The following ARPC2 variants were observed in gnomAD, a reference collection of about 807,000 sequenced individuals.
ARPC2 encodes the protein actin-related protein 2/3 complex subunit 2.
A neutral mutation model predicts 38.6 loss-of-function variants in ARPC2; 4 were observed. That is an observed-to-expected ratio of 0.10 (90% CI 0.05 to 0.24). The LOEUF (loss-of-function observed/expected upper bound fraction) is 0.24. Among genes scored for constraint, ARPC2 ranks in the 10% least tolerant of loss-of-function variants. ARPC2 has a pLI of 1.00. For missense variants in ARPC2, 229 were observed against 387.3 expected (o/e 0.59, Z 3.43); for synonymous variants, 125 against 140.8 (o/e 0.89, Z 0.79).
At chr2:218,233,334 C>CA (rs1164685446) in intron 4 of ARPC2, 1 of 151,226 alleles carries the variant, frequency 6.6e-6, no homozygotes, top group Admixed American at 6.6e-5. Context: ...GCCTGGACAA[C>CA]AGAGTAAGAC....
chr2:218,230,276 C>CTTTTTTTTTTTTTTTT (rs1404910498), intron 4 of ARPC2, among the ~76,000 whole-genome samples: 1 of 112,446 alleles, frequency 8.9e-6, no homozygotes, highest in African/African-American at 3.3e-5. Context: ...CCAGCCTTTT[C>CTTTTTTTTTTTTTTTT]TTTTTTTTTT....
intron 3 of ARPC2, among the ~76,000 whole-genome samples, chr2:218,226,437 G>A (rs1424184490): frequency 6.6e-6 from 1 of 151,544 alleles, no homozygotes; most frequent in Admixed American, 6.6e-5. Context: ...AGACTATCCT[G>A]GCTAACATGA....
chr2:218,245,812 C>T (rs1426148015), intron 8 of ARPC2, among the ~76,000 whole-genome samples: 1 of 152,086 alleles, frequency 6.6e-6, no homozygotes, highest in Non-Finnish European at 1.5e-5. Context: ...ATTCTGATAT[C>T]AAGAGTTAAG....
chr2:218,218,084 G>A (rs1335403695), intron 2 of ARPC2, among the ~76,000 whole-genome samples: 8 of 152,140 alleles, frequency 5.3e-5, no homozygotes, highest in Admixed American at 4.6e-4. Context: ...TCTTAGAGCC[G>A]GAAAAACGCG....
intron 4 of ARPC2, among the ~76,000 whole-genome samples, chr2:218,230,414 C>G (rs768400853): frequency 1.1e-4 from 17 of 150,574 alleles, no homozygotes; most frequent in Non-Finnish European, 2.2e-4. Flanking sequence ...ACCTCAGCCT[C>G]CTGAGTGTCT....
chr2:218,237,626 G>A lies in ARPC2; in HGVS notation c.269-1038G>A, dbSNP rs141939124. 2.5e-3 allele frequency among the ~76,000 whole-genome samples: 382 copies of A among 150,690 alleles called. 1 individual carries two copies. The highest frequency in any genetic ancestry group is 8.0e-3 in the African/African-American group (325 of 40,810). On this transcript the variant is annotated intron_variant, in intron 5 of 10. Coordinates refer to ENST00000315717, the MANE Select transcript of ARPC2 (RefSeq NM_152862.3). ...TGGAGTCTCGCTCTGTTGTGCAGTG[G>A]TGCAATATCAGCTCGCTGTAACCTC...
At chr2:218,239,328 C>G in intron 6 of ARPC2, 63 bp from the exon 7 acceptor site, 2 of 1,177,542 alleles carry the variant, frequency 1.7e-6, no homozygotes, top group Non-Finnish European at 2.5e-6. Context: ...ACTTGTAGAT[C>G]AAGTTATTGA....
chr2:218,246,621 A>G (rs1690038907), intron 8 of ARPC2, among the ~76,000 whole-genome samples: 1 of 152,092 alleles, frequency 6.6e-6, no homozygotes, highest in African/African-American at 2.4e-5. Context: ...TTGGTGGGTC[A>G]CTTGGGTCCA....
chr2:218,238,918 AATATGGCTTG>A (rs1257383325), intron 6 of ARPC2, 68 bp downstream of exon 6: 1 of 1,276,884 alleles, frequency 7.8e-7, no homozygotes, highest in African/African-American at 1.5e-5. Context: ...TACTGAAAGA[AATATGGCTTG>A]GTCAAACTTT....
At position 218,248,265 on chromosome 2, in the gene ARPC2, T is replaced by C. The variant is rs1239182327; in HGVS notation, c.677-1099T>C. On this transcript the variant is annotated intron_variant, in intron 8 of 10. Transcript: ENST00000315717. ...CTTCTGTTGTGGTGTTCATTTACTTTCAGGCCAGGGCACATTGACACAGAA... is the reference window on the plus strand; with the variant it reads ...CTTCTGTTGTGGTGTTCATTTACTTCCAGGCCAGGGCACATTGACACAGAA... Among the ~76,000 whole-genome samples, 3 of 152,364 alleles carry C rather than the reference T, an allele frequency of 2.0e-5. No homozygotes were observed. The East Asian group carries it at 5.8e-4, about 29-fold the overall frequency.
intron 10 of ARPC2, among the ~76,000 whole-genome samples, chr2:218,253,495 C>G (rs1690243589): frequency 6.6e-6 from 1 of 152,146 alleles, no homozygotes; most frequent in Non-Finnish European, 1.5e-5. Flanking sequence ...ATCTGGGAGC[C>G]CTGAGAGGTA....
At chr2:218,232,450 G>T (rs936486114) in intron 4 of ARPC2, among the ~76,000 whole-genome samples, 1 of 151,862 alleles carries the variant, frequency 6.6e-6, no homozygotes, top group Non-Finnish European at 1.5e-5. Flanking sequence ...GGACTGGGAA[G>T]TCCAAGAGCG....
At chr2:218,252,934 C>G (rs894793781) in intron 10 of ARPC2, 1 of 456,652 alleles carries the variant, frequency 2.2e-6, no homozygotes. Context: ...TTGCCTTCTT[C>G]TGTGCTGCAG....
chr2:218,231,900 TCAAGC>T (rs755547200), intron 4 of ARPC2, among the ~76,000 whole-genome samples: 4,737 of 152,296 alleles, frequency 0.031, 79 homozygotes, highest in African/African-American at 0.034. Flanking sequence ...GGTCAAGAGT[TCAAGC>T]CCAGCCTGGG....
At chr2:218,220,316 C>T (rs1000611799) in intron 2 of ARPC2, among the ~76,000 whole-genome samples, 2 of 152,142 alleles carry the variant, frequency 1.3e-5, no homozygotes, top group Admixed American at 1.3e-4. Flanking sequence ...GTGCATCTTC[C>T]ATCTCTGTGA....
intron 7 of ARPC2, among the ~76,000 whole-genome samples, chr2:218,241,425 T>A (rs1236282208): frequency 6.6e-6 from 1 of 152,188 alleles, no homozygotes; most frequent in East Asian, 1.9e-4. Context: ...ATCTCTTGGG[T>A]CCTAAAAGTA....
At chr2:218,222,892 C>T (rs184410816) in intron 2 of ARPC2, among the ~76,000 whole-genome samples, 1 of 152,270 alleles carries the variant, frequency 6.6e-6, no homozygotes, top group East Asian at 1.9e-4. Flanking sequence ...GTGCAGGCAT[C>T]CTTCACTGTG....
chr2:218,224,646 C>G (rs760070930), intron 2 of ARPC2, among the ~76,000 whole-genome samples: 7 of 152,008 alleles, frequency 4.6e-5, no homozygotes. Context: ...CTCCGTAAAC[C>G]CACTTGATAC....
chr2:218,230,002 C>T (rs901077422), intron 4 of ARPC2, among the ~76,000 whole-genome samples: 2 of 151,650 alleles, frequency 1.3e-5, no homozygotes, highest in African/African-American at 4.8e-5. Context: ...TGGAGTCTCA[C>T]TCTGTTGCCC....
Sources: allele counts gnomAD v4.1 joint callset (sites outside exome capture counted in the v4.1 genomes callset), GRCh38; gene constraint gnomAD v4.1.1; transcripts MANE v1.5; gene names NCBI Gene and HGNC (gene_info 2026-07-23, HGNC 2026-07-21).